The following IGSF11 variants were observed in gnomAD, a reference collection of about 807,000 sequenced individuals.
The protein encoded by IGSF11 is immunoglobulin superfamily member 11.
A neutral mutation model predicts 41.0 loss-of-function variants in IGSF11; 22 were observed. The observed-to-expected ratio is 0.54, with a 90% CI of 0.38 to 0.77. The LOEUF (loss-of-function observed/expected upper bound fraction) is 0.77. Ranked by LOEUF, IGSF11 falls within the 30% of genes least tolerant of loss-of-function variation. IGSF11 has a pLI of 0.00. For synonymous variants in IGSF11, 219 were observed against 201.3 expected, an observed-to-expected ratio of 1.09 and a Z score of -0.74; for missense variants, 444 against 530.8, an observed-to-expected ratio of 0.84 and a Z score of 1.61.
intron 1 of IGSF11, among the ~76,000 whole-genome samples, chr3:119,071,265 C>T (rs989122852): frequency 6.6e-6 from 1 of 152,076 alleles, no homozygotes; most frequent in Admixed American, 6.5e-5. Context: ...TTATTTATTC[C>T]CATTCTGTGT....
chr3:119,093,404 C>A (rs922187013), intron 1 of IGSF11, among the ~76,000 whole-genome samples: 1 of 125,520 alleles, frequency 8.0e-6, no homozygotes, highest in African/African-American at 3.2e-5. Context: ...TTCTGAGACC[C>A]GTTTTTTTTT....
intron 1 of IGSF11, among the ~76,000 whole-genome samples, chr3:119,049,781 T>G (rs112457896): frequency 0.68 from 100,910 of 149,376 alleles, 34,219 homozygotes; most frequent in South Asian, 0.79. Context: ...AAACAGCATG[T>G]TACTGGTACC....
At chr3:119,107,994 T>A (rs1242300634), upstream of IGSF11, among the ~76,000 whole-genome samples, 1 of 151,490 alleles carries the variant, frequency 6.6e-6, no homozygotes, top group Non-Finnish European at 1.5e-5. Context: ...ACTGTAGCCT[T>A]GTAGTATAGT....
upstream of IGSF11, among the ~76,000 whole-genome samples, chr3:119,108,866 G>C (rs1013833637): frequency 1.1e-3 from 158 of 141,624 alleles, 1 homozygote; most frequent in African/African-American, 3.9e-3. Flanking sequence ...TTTGTCTTTG[G>C]TTCTGTTTAT....
At chr3:118,963,332 G>GTC (rs1945467091) in intron 1 of IGSF11, among the ~76,000 whole-genome samples, 1 of 152,106 alleles carries the variant, frequency 6.6e-6, no homozygotes, top group Non-Finnish European at 1.5e-5. Flanking sequence ...TCAATGGATT[G>GTC]TCTCTCTCTG....
intron 1 of IGSF11, among the ~76,000 whole-genome samples, chr3:119,087,880 A>G (rs925544305): frequency 2.0e-5 from 3 of 152,224 alleles, no homozygotes; most frequent in African/African-American, 7.2e-5. Flanking sequence ...TGCCTTAACT[A>G]TGCTAAATAT....
Position 118,904,395 on chromosome 3 carries a change from G to A in IGSF11, c.854+253C>T, listed in dbSNP as rs549559011. Among the ~76,000 whole-genome samples, 33 of 152,240 alleles carry A rather than the reference G, an allele frequency of 2.2e-4. No individual in the cohort carries two copies. In the East Asian group the frequency reaches 4.8e-3, roughly 22 times the overall value. ...CTAACCCTGCCTACCCTGGAGACAC[G>A]GAAGATAAGGAGAACTCTTCATTTG... On this transcript the variant is annotated intron_variant, in intron 6 of 6. Coordinates refer to ENST00000393775, the MANE Select transcript of IGSF11 (RefSeq NM_001015887.3).
At chr3:118,939,994 C>T (rs1373296010) in intron 1 of IGSF11, among the ~76,000 whole-genome samples, 1 of 152,022 alleles carries the variant, frequency 6.6e-6, no homozygotes, top group Non-Finnish European at 1.5e-5. Context: ...CACAAATTAT[C>T]AATTCAGATA....
chr3:119,118,589 A>G (rs561053646), intron 1 of IGSF11, among the ~76,000 whole-genome samples: 1 of 152,270 alleles, frequency 6.6e-6, no homozygotes, highest in East Asian at 1.9e-4. Flanking sequence ...TGCCCTGGAG[A>G]CACTTTCCCC....
intron 1 of IGSF11, among the ~76,000 whole-genome samples, chr3:119,032,492 C>T (rs1667494712): frequency 6.6e-6 from 1 of 152,172 alleles, no homozygotes; most frequent in Non-Finnish European, 1.5e-5. Flanking sequence ...AAAGCCCAAA[C>T]GCAGCATTCA....
intron 1 of IGSF11, among the ~76,000 whole-genome samples, chr3:118,950,575 C>A (rs1480246488): frequency 6.6e-6 from 1 of 151,772 alleles, no homozygotes; most frequent in Non-Finnish European, 1.5e-5. Flanking sequence ...TATATATACC[C>A]CAACTCAATT....
chr3:119,031,397 G>C (rs1325956576), intron 1 of IGSF11, among the ~76,000 whole-genome samples: 1 of 152,186 alleles, frequency 6.6e-6, no homozygotes, highest in Non-Finnish European at 1.5e-5. Context: ...TGCAACTAAA[G>C]AATCTTTTGC....
intron 1 of IGSF11, among the ~76,000 whole-genome samples, chr3:119,016,479 A>G (rs548502936): frequency 1.3e-5 from 2 of 152,352 alleles, no homozygotes; most frequent in African/African-American, 4.8e-5. Context: ...GGAAGAGAAC[A>G]TTGTAAATAT....
intron 1 of IGSF11, among the ~76,000 whole-genome samples, chr3:118,963,718 A>G (rs1945488207): frequency 6.6e-6 from 1 of 152,226 alleles, no homozygotes; most frequent in South Asian, 2.1e-4. Context: ...TTGGTTGGGA[A>G]AAGAATTATA....
At chr3:119,091,742 C>T (rs1223233496) in intron 1 of IGSF11, among the ~76,000 whole-genome samples, 1 of 152,120 alleles carries the variant, frequency 6.6e-6, no homozygotes, top group Non-Finnish European at 1.5e-5. Flanking sequence ...AACCTCCTAT[C>T]AGATACTGTG....
intron 1 of IGSF11, among the ~76,000 whole-genome samples, chr3:119,123,005 T>C (rs978599209): frequency 1.3e-5 from 2 of 152,160 alleles, no homozygotes; most frequent in Non-Finnish European, 2.9e-5. Flanking sequence ...TCTTAGGTAC[T>C]AGCTCAGCCA....
chr3:118,968,033 G>T (rs74963582), intron 1 of IGSF11, among the ~76,000 whole-genome samples: 3,688 of 152,294 alleles, frequency 0.024, 79 homozygotes, highest in East Asian at 0.066. Context: ...TCAGATAAGG[G>T]TGACTTACAA....
chr3:118,902,972 C>A lies in IGSF11; in HGVS notation c.855-11G>T. ...GGAAGATCATCCTCTCTGAAAGGAACAAAATAAAGTCGTTGTTAGGATTTA... is the reference window on the plus strand; with the variant it reads ...GGAAGATCATCCTCTCTGAAAGGAAAAAAATAAAGTCGTTGTTAGGATTTA... On this transcript the variant is annotated splice_polypyrimidine_tract_variant and intron_variant, in intron 6 of 6. Transcript: ENST00000393775. 6.2e-7 allele frequency: 1 copy of A among 1,609,670 alleles called. No homozygotes were observed. The highest frequency in any genetic ancestry group is 8.5e-7 in the Non-Finnish European group (1 of 1,176,436).
At chr3:119,031,655 TC>T (rs1026386652) in intron 1 of IGSF11, among the ~76,000 whole-genome samples, 4 of 152,238 alleles carry the variant, frequency 2.6e-5, no homozygotes, top group African/African-American at 9.7e-5. Context: ...TTAAATTGCT[TC>T]CTGAATAGTC....
Sources: gnomAD v4.1 joint callset for allele counts (sites outside exome capture counted in the v4.1 genomes callset) on GRCh38, gnomAD v4.1.1 for gene constraint, MANE v1.5 for transcripts, NCBI Gene and HGNC (gene_info 2026-07-23, HGNC 2026-07-21) for gene names.